SKAP1: variants seen among roughly 807,000 people sequenced by gnomAD.
The protein encoded by SKAP1 is src kinase associated phosphoprotein 1.
SKAP1 carries 44 observed loss-of-function variants against 58.5 expected under a neutral mutation model. That is an observed-to-expected ratio of 0.75 (90% CI 0.59 to 0.97). The LOEUF is 0.97. Among genes scored for constraint, SKAP1 ranks in the 50% least tolerant of loss-of-function variants. The pLI is 0.00. For synonymous variants in SKAP1, 127 were observed against 149.7 expected (o/e 0.85, Z 1.11); for missense variants, 390 against 435.2 (o/e 0.90, Z 0.92).
intron 11 of SKAP1, among the ~76,000 whole-genome samples, chr17:48,159,619 A>C (rs1190754166): frequency 1.3e-5 from 2 of 152,220 alleles, no homozygotes; most frequent in African/African-American, 4.8e-5. Context: ...AGTGGGAATA[A>C]ATTAGGATCT....
intron 4 of SKAP1, among the ~76,000 whole-genome samples, chr17:48,306,588 C>T (rs969014146): frequency 6.6e-6 from 1 of 152,138 alleles, no homozygotes; most frequent in African/African-American, 2.4e-5. Flanking sequence ...ACCAGTTACA[C>T]ACCTTTTTTA....
intron 1 of SKAP1, among the ~76,000 whole-genome samples, chr17:48,402,275 C>T (rs2067507688): frequency 6.6e-6 from 1 of 151,542 alleles, no homozygotes. Flanking sequence ...TAGGAAATAC[C>T]CAAAAGAAAT....
intron 4 of SKAP1, among the ~76,000 whole-genome samples, chr17:48,291,756 T>C (rs535622299): frequency 6.6e-6 from 1 of 152,216 alleles, no homozygotes; most frequent in East Asian, 1.9e-4. Flanking sequence ...GGTAATGCGC[T>C]AAAACAAGTC....
intron 4 of SKAP1, among the ~76,000 whole-genome samples, chr17:48,248,394 CAATT>C (rs2065320639): frequency 6.6e-6 from 1 of 152,062 alleles, no homozygotes; most frequent in Non-Finnish European, 1.5e-5. Context: ...TGGTGAAACT[CAATT>C]TCTACTAAAA....
Position 48,410,911 on chromosome 17 carries a change from A to G in SKAP1, c.47-14126T>C, listed in dbSNP as rs552498154. Among the ~76,000 whole-genome samples, 113 of 127,830 alleles carry G rather than the reference A, an allele frequency of 8.8e-4. 1 individual carries two copies. The highest frequency in any genetic ancestry group is 3.1e-3 in the African/African-American group (106 of 33,902). 83.9% of individuals were successfully genotyped at this position (127,830 alleles called of 152,430 possible). On this transcript the variant is annotated intron_variant, in intron 1 of 12. Coordinates refer to ENST00000336915, the MANE Select transcript of SKAP1 (RefSeq NM_003726.4). ...CACTGCACTTTAGCCTGGGTGACAG[A>G]GCGACAGAGCGAGACTCCATTTCAA... is the stretch of plus-strand genomic sequence containing the variant.
intron 1 of SKAP1, among the ~76,000 whole-genome samples, chr17:48,419,989 G>C (rs1380204068): frequency 4.6e-5 from 7 of 152,026 alleles, no homozygotes; most frequent in Admixed American, 3.3e-4. Context: ...TGTAAATGCT[G>C]GATACTAAAA....
chr17:48,436,385 G>A, the SKAP1 span, among the ~76,000 whole-genome samples: 1 of 151,916 alleles, frequency 6.6e-6, no homozygotes, highest in East Asian at 1.9e-4. Flanking sequence ...AACTGTACCC[G>A]GCCTCTATTC....
intron 4 of SKAP1, among the ~76,000 whole-genome samples, chr17:48,226,067 A>G (rs887593707): frequency 1.4e-4 from 21 of 152,302 alleles, no homozygotes; most frequent in Admixed American, 2.6e-4. Flanking sequence ...TAGACCATCC[A>G]TCACTGACCC....
At chr17:48,281,912 C>T (rs992055036) in intron 4 of SKAP1, among the ~76,000 whole-genome samples, 1 of 152,050 alleles carries the variant, frequency 6.6e-6, no homozygotes, top group African/African-American at 2.4e-5. Flanking sequence ...TTATCTAATG[C>T]ATATATTTTT....
intron 4 of SKAP1, among the ~76,000 whole-genome samples, chr17:48,212,349 T>C (rs1479066325): frequency 3.3e-5 from 5 of 152,226 alleles, no homozygotes; most frequent in African/African-American, 1.2e-4. Flanking sequence ...CTTGGAATTA[T>C]GTGATTCAAA....
At chr17:48,367,709 G>C (rs2067027466) in intron 2 of SKAP1, among the ~76,000 whole-genome samples, 1 of 151,662 alleles carries the variant, frequency 6.6e-6, no homozygotes, top group African/African-American at 2.4e-5. Flanking sequence ...CCCAAGCCCA[G>C]GAGTTCAAGA....
At chr17:48,166,870 T>G (rs1022548560) in intron 10 of SKAP1, among the ~76,000 whole-genome samples, 2 of 103,676 alleles carry the variant, frequency 1.9e-5, no homozygotes, top group Non-Finnish European at 2.2e-5. Context: ...AATTTTTCCT[T>G]TTTTTTTTTT....
chr17:48,252,713 A>AGTGTGTGTGTGT lies in SKAP1; in HGVS notation c.281-63225_281-63214dup, dbSNP rs71141977. ...ATAAAAATGGCCAAAGCTCTAAGCTAGTGTGTGTGTGTGTGTGTGTGTGTG... is the reference window on the plus strand; with the variant it reads ...ATAAAAATGGCCAAAGCTCTAAGCTAGTGTGTGTGTGTGTGTGTGTGTGTGTGTGTGTGTGTG... On this transcript the variant is annotated intron_variant, in intron 4 of 12. Coordinates refer to ENST00000336915, the MANE Select transcript of SKAP1 (RefSeq NM_003726.4). Among the ~76,000 whole-genome samples, 163 of 145,136 alleles carry AGTGTGTGTGTGT rather than the reference A, an allele frequency of 1.1e-3. 2 individuals carry two copies. The highest frequency in any genetic ancestry group is 5.3e-3 in the East Asian group (25 of 4,758).
At chr17:48,242,573 A>T (rs1003676623) in intron 4 of SKAP1, among the ~76,000 whole-genome samples, 1 of 152,166 alleles carries the variant, frequency 6.6e-6, no homozygotes, top group African/African-American at 2.4e-5. Flanking sequence ...AACAATTTAA[A>T]CACTCTCCAT....
chr17:48,433,142 C>T (rs2067927512), upstream of SKAP1, among the ~76,000 whole-genome samples: 2 of 152,216 alleles, frequency 1.3e-5, no homozygotes, highest in African/African-American at 4.8e-5. Context: ...GTCAGCCCCA[C>T]TCCTAATGAC....
At chr17:48,208,332 C>T (rs1224924931) in intron 4 of SKAP1, among the ~76,000 whole-genome samples, 1 of 152,160 alleles carries the variant, frequency 6.6e-6, no homozygotes, top group Non-Finnish European at 1.5e-5. Flanking sequence ...GACCTGTGAG[C>T]ACCGGGGAAA....
chr17:48,306,988 C>T (rs2066150491), intron 4 of SKAP1, among the ~76,000 whole-genome samples: 1 of 151,908 alleles, frequency 6.6e-6, no homozygotes, highest in Admixed American at 6.6e-5. Flanking sequence ...TTTTTTAATC[C>T]ACCCACGAAG....
At chr17:48,287,808 T>C (rs577114821) in intron 4 of SKAP1, among the ~76,000 whole-genome samples, 55 of 152,330 alleles carry the variant, frequency 3.6e-4, no homozygotes, top group Middle Eastern at 3.4e-3. Context: ...AACACATATA[T>C]ACAAACGCAA....
intron 4 of SKAP1, among the ~76,000 whole-genome samples, chr17:48,231,178 C>T (rs961020431): frequency 1.3e-5 from 2 of 152,138 alleles, no homozygotes; most frequent in African/African-American, 2.4e-5. Context: ...ACCTCTAGAG[C>T]CTTGCCCCTG....
Sources: allele counts gnomAD v4.1 joint callset (sites outside exome capture counted in the v4.1 genomes callset), GRCh38; gene constraint gnomAD v4.1.1; transcripts MANE v1.5; gene names NCBI Gene and HGNC (gene_info 2026-07-23, HGNC 2026-07-21).